The following ARHGAP29 variants were observed in gnomAD, a reference collection of about 807,000 sequenced individuals.
ARHGAP29 encodes the protein Rho GTPase activating protein 29.
ARHGAP29 carries 43 observed loss-of-function variants against 122.6 expected under a neutral mutation model. The observed-to-expected ratio is 0.35, with a 90% CI of 0.27 to 0.45. The LOEUF (loss-of-function observed/expected upper bound fraction) is 0.45, where lower values mean the gene tolerates loss of function less well. ARHGAP29 is among the 20% of genes least tolerant of loss of function. The probability of loss-of-function intolerance (pLI) is 1.00; values close to 1 mark genes in which losing one functional copy is unlikely to be tolerated. For synonymous variants in ARHGAP29, 506 were observed against 497.1 expected (o/e 1.02, Z -0.24); for missense variants, 1,303 against 1,477.2 (o/e 0.88, Z 1.93).
upstream of ARHGAP29, among the ~76,000 whole-genome samples, chr1:94,279,967 GT>G (rs570319363): frequency 1.1e-4 from 17 of 151,702 alleles, no homozygotes; most frequent in Admixed American, 1.1e-3. Flanking sequence ...TGTTCTTTTA[GT>G]TTTTATTTCC....
At chr1:94,220,434 T>C (rs780523365) in intron 2 of ARHGAP29, 42 bp from the exon 3 acceptor site, 5 of 1,498,380 alleles carry the variant, frequency 3.3e-6, no homozygotes, top group South Asian at 1.3e-5. Context: ...AGAGCAAAGT[T>C]CCACAAATCT....
the ARHGAP29 span, among the ~76,000 whole-genome samples, chr1:94,304,903 A>G: frequency 7.2e-5 from 11 of 152,242 alleles, no homozygotes; most frequent in East Asian, 1.2e-3. Flanking sequence ...GAGCCTGGTT[A>G]AAAAAGCAAA....
At chr1:94,178,584 T>C (rs771945614) in intron 20 of ARHGAP29, among the ~76,000 whole-genome samples, 14 of 152,196 alleles carry the variant, frequency 9.2e-5, no homozygotes, top group Non-Finnish European at 1.9e-4. Flanking sequence ...CCCACTCCTC[T>C]GGCCTCACTT....
At chr1:94,184,764 C>T in intron 18 of ARHGAP29, 108 bp downstream of exon 18, 1 of 965,654 alleles carries the variant, frequency 1.0e-6, no homozygotes, top group Admixed American at 3.2e-5. Context: ...AGAAACAGAA[C>T]AAAACAAAAA....
At chr1:94,292,625 C>T in the ARHGAP29 span, among the ~76,000 whole-genome samples, 15 of 152,188 alleles carry the variant, frequency 9.9e-5, no homozygotes, top group East Asian at 7.7e-4. Context: ...TGGTGACCTA[C>T]GGATGAGGTT....
the ARHGAP29 span, among the ~76,000 whole-genome samples, chr1:94,297,712 G>A: frequency 8.5e-5 from 13 of 152,182 alleles, no homozygotes; most frequent in African/African-American, 3.1e-4. Flanking sequence ...ACATGACATA[G>A]AGTGTTTCAT....
At chr1:94,199,337 C>CA (rs1275374244) in intron 12 of ARHGAP29, among the ~76,000 whole-genome samples, 1 of 152,054 alleles carries the variant, frequency 6.6e-6, no homozygotes, top group African/African-American at 2.4e-5. Context: ...GATGCAGAGG[C>CA]AATTTAATGA....
chr1:94,174,944 A>T (rs1380799585), intron 22 of ARHGAP29, among the ~76,000 whole-genome samples, 195 bp from the exon 23 acceptor site: 1 of 152,168 alleles, frequency 6.6e-6, no homozygotes, highest in African/African-American at 2.4e-5. Context: ...AAAAGTTCAA[A>T]TTTTTTACTC....
upstream of ARHGAP29, among the ~76,000 whole-genome samples, chr1:94,238,486 A>G (rs1446976039): frequency 6.6e-6 from 1 of 152,150 alleles, no homozygotes; most frequent in African/African-American, 2.4e-5. Flanking sequence ...CCTATATCAC[A>G]CCACTCGCTG....
intron 8 of ARHGAP29, among the ~76,000 whole-genome samples, chr1:94,203,478 T>TA (rs1650990341): frequency 6.6e-6 from 1 of 152,218 alleles, no homozygotes; most frequent in South Asian, 2.1e-4. Flanking sequence ...CTCATGCCTA[T>TA]AATCCCAATA....
chr1:94,245,525 A>C (rs1653762060), intron 1 of ARHGAP29, among the ~76,000 whole-genome samples: 1 of 152,238 alleles, frequency 6.6e-6, no homozygotes, highest in Admixed American at 6.5e-5. Flanking sequence ...GAGAATATGA[A>C]CCTAATCTTA....
At chr1:94,205,779 C>A (rs1245414907) in intron 5 of ARHGAP29, 96 bp from the exon 6 acceptor site, 21 of 1,036,824 alleles carry the variant, frequency 2.0e-5, no homozygotes, top group African/African-American at 1.9e-4. Context: ...TGACATAATT[C>A]CTGCTAAAGA....
upstream of ARHGAP29, among the ~76,000 whole-genome samples, chr1:94,279,596 A>G (rs1655287018): frequency 6.6e-6 from 1 of 152,228 alleles, no homozygotes; most frequent in African/African-American, 2.4e-5. Context: ...CTATGGCTAA[A>G]AGTGGCCTGA....
intron 3 of ARHGAP29, among the ~76,000 whole-genome samples, chr1:94,218,597 T>C (rs752655913): frequency 1.3e-5 from 2 of 152,158 alleles, no homozygotes; most frequent in Non-Finnish European, 2.9e-5. Context: ...GACACAAATT[T>C]CCCTATCTAA....
At chr1:94,199,625 A>C (rs1353410507) in intron 12 of ARHGAP29, among the ~76,000 whole-genome samples, 1 of 152,080 alleles carries the variant, frequency 6.6e-6, no homozygotes, top group African/African-American at 2.4e-5. Context: ...CTCTGTCCTA[A>C]ATCACCCCAG....
At chr1:94,191,688 A>G (rs953828689) in intron 12 of ARHGAP29, 1 of 152,214 alleles carries the variant, frequency 6.6e-6, no homozygotes, top group Admixed American at 6.5e-5. Flanking sequence ...AGTGCATTGA[A>G]AAAGTTAATG....
At chr1:94,302,617 G>T in the ARHGAP29 span, 5 of 417,258 alleles carry the variant, frequency 1.2e-5, no homozygotes, top group East Asian at 1.5e-4. Flanking sequence ...ATGGCCATGG[G>T]GCTCTCCATT....
At chr1:94,302,721 G>A in the ARHGAP29 span, 1 of 390,594 alleles carries the variant, frequency 2.6e-6, no homozygotes, top group Non-Finnish European at 5.1e-6. Flanking sequence ...GGCCTTCCAT[G>A]TACCCACTGC....
chr1:94,224,905 T>C (rs1652525451), intron 2 of ARHGAP29, among the ~76,000 whole-genome samples: 1 of 152,274 alleles, frequency 6.6e-6, no homozygotes, highest in East Asian at 1.9e-4. Context: ...ATTATTTTCG[T>C]AAGAAGTTTC....
Sources: gnomAD v4.1 joint callset for allele counts (sites outside exome capture counted in the v4.1 genomes callset) on GRCh38, gnomAD v4.1.1 for gene constraint, MANE v1.5 for transcripts, NCBI Gene and HGNC (gene_info 2026-07-23, HGNC 2026-07-21) for gene names.